Variants in PLCB1 observed in about 807,000 individuals in gnomAD.
The protein encoded by PLCB1 is phospholipase C beta 1.
PLCB1 carries 46 observed loss-of-function variants against 161.8 expected under a neutral mutation model. The observed-to-expected ratio is 0.28, with a 90% CI of 0.22 to 0.36. The LOEUF (loss-of-function observed/expected upper bound fraction) is 0.36, where lower values mean the gene tolerates loss of function less well. PLCB1 is among the 10% of genes least tolerant of loss of function. The probability of loss-of-function intolerance (pLI) is 1.00; values close to 1 mark genes in which losing one functional copy is unlikely to be tolerated. For synonymous variants in PLCB1, 517 were observed against 503.7 expected (o/e 1.03, Z -0.35); for missense variants, 1,016 against 1,472.5 (o/e 0.69, Z 5.07).
chr20:8,672,854 G>C (rs1490213326), intron 9 of PLCB1, among the ~76,000 whole-genome samples: 3 of 152,082 alleles, frequency 2.0e-5, no homozygotes, highest in Non-Finnish European at 4.4e-5. Flanking sequence ...GCTCACATCT[G>C]TAATCCCAGC....
chr20:8,687,876 G>A (rs922515959), intron 10 of PLCB1, among the ~76,000 whole-genome samples: 1 of 152,204 alleles, frequency 6.6e-6, no homozygotes, highest in African/African-American at 2.4e-5. Flanking sequence ...GGATCAAATG[G>A]TAGTTCTACT....
chr20:8,194,773 G>T (rs565277007), intron 2 of PLCB1, among the ~76,000 whole-genome samples: 3 of 152,138 alleles, frequency 2.0e-5, no homozygotes, highest in East Asian at 1.9e-4. Flanking sequence ...CTCTCAAAAA[G>T]ATTTGGTAGT....
At chr20:8,463,049 C>G (rs1256956725) in intron 3 of PLCB1, among the ~76,000 whole-genome samples, 1 of 151,842 alleles carries the variant, frequency 6.6e-6, no homozygotes, top group African/African-American at 2.4e-5. Flanking sequence ...AGAGGCAACT[C>G]AGTATGTTGA....
Position 8,579,793 on chromosome 20 carries a change from T to C in PLCB1, c.247-48501T>C, listed in dbSNP as rs191073603. On this transcript the variant is annotated intron_variant, in intron 3 of 31. Transcript: ENST00000338037. ...CCTTATATTGGGTTCTCTAGGATTA[T>C]GTATGGAGGGAGCATGCCGTGCCAC... Among the ~76,000 whole-genome samples, 27 of 152,222 alleles carry C rather than the reference T, an allele frequency of 1.8e-4. No homozygotes were observed. In the East Asian group the frequency reaches 5.0e-3, roughly 28 times the overall value.
intron 16 of PLCB1, 102 bp from the exon 17 acceptor site, chr20:8,727,207 C>A: frequency 1.7e-6 from 1 of 576,304 alleles, no homozygotes; most frequent in Non-Finnish European, 3.0e-6. Flanking sequence ...TTGCCCTCAA[C>A]TTCACTGAAT....
At chr20:8,639,211 A>T (rs1426773171) in intron 4 of PLCB1, among the ~76,000 whole-genome samples, 19 of 152,162 alleles carry the variant, frequency 1.2e-4, no homozygotes, top group Admixed American at 1.2e-3. Context: ...GTCATGATGG[A>T]GGGGTTATGT....
intron 31 of PLCB1, among the ~76,000 whole-genome samples, chr20:8,839,180 G>C (rs1479797956): frequency 6.6e-6 from 1 of 152,158 alleles, no homozygotes; most frequent in Non-Finnish European, 1.5e-5. Context: ...ACAAAGTTTA[G>C]GGACCTTCTA....
At chr20:8,750,295 A>G (rs1306368096) in intron 23 of PLCB1, among the ~76,000 whole-genome samples, 1 of 152,208 alleles carries the variant, frequency 6.6e-6, no homozygotes, top group Non-Finnish European at 1.5e-5. Flanking sequence ...TTAATGAAGA[A>G]GCTCAAAAAA....
At chr20:8,329,806 G>A (rs1167595334) in intron 2 of PLCB1, among the ~76,000 whole-genome samples, 2 of 152,112 alleles carry the variant, frequency 1.3e-5, no homozygotes, top group East Asian at 3.9e-4. Flanking sequence ...CACTGCCACA[G>A]CATGTTCTGA....
At chr20:8,748,678 G>A (rs547153105) in intron 23 of PLCB1, among the ~76,000 whole-genome samples, 10 of 152,222 alleles carry the variant, frequency 6.6e-5, no homozygotes, top group African/African-American at 2.4e-4. Context: ...GCAGGAAATG[G>A]GGAGGTGTGG....
At chr20:8,832,827 G>C (rs1986080652) in intron 31 of PLCB1, among the ~76,000 whole-genome samples, 1 of 152,158 alleles carries the variant, frequency 6.6e-6, no homozygotes, top group Non-Finnish European at 1.5e-5. Context: ...TGAGTCCTTA[G>C]GGAACCCTGC....
chr20:8,614,142 CAAAT>C (rs1475685199), intron 3 of PLCB1, among the ~76,000 whole-genome samples: 2 of 151,772 alleles, frequency 1.3e-5, no homozygotes, highest in Non-Finnish European at 2.9e-5. Context: ...TTTTAAAACA[CAAAT>C]AAAAACAGTA....
chr20:8,399,255 CT>C (rs1978439775), intron 3 of PLCB1, among the ~76,000 whole-genome samples: 1 of 151,820 alleles, frequency 6.6e-6, no homozygotes, highest in Admixed American at 6.6e-5. Flanking sequence ...ATCCTGGTAT[CT>C]AGGTGTTCCA....
At chr20:8,523,388 CA>C (rs1274178937) in intron 3 of PLCB1, among the ~76,000 whole-genome samples, 2 of 105,590 alleles carry the variant, frequency 1.9e-5, no homozygotes, top group East Asian at 5.7e-4. Flanking sequence ...TGATCCTGAT[CA>C]TAACAAATAT....
chr20:8,603,314 C>CTAT (rs1987653997), intron 3 of PLCB1, among the ~76,000 whole-genome samples: 1 of 152,132 alleles, frequency 6.6e-6, no homozygotes, highest in South Asian at 2.1e-4. Flanking sequence ...AAATCTATGG[C>CTAT]TAAGTTCAAT....
intron 12 of PLCB1, 105 bp downstream of exon 12, chr20:8,708,857 C>T (rs931963066): frequency 1.2e-5 from 8 of 690,652 alleles, no homozygotes; most frequent in Non-Finnish European, 2.0e-5. Context: ...TGGTGTTCTT[C>T]AATCATGTTG....
chr20:8,857,730 G>A (rs1387297826), intron 31 of PLCB1, among the ~76,000 whole-genome samples: 1 of 152,180 alleles, frequency 6.6e-6, no homozygotes, highest in East Asian at 1.9e-4. Flanking sequence ...TGATATTAAC[G>A]TCAGACTTCC....
intron 31 of PLCB1, among the ~76,000 whole-genome samples, chr20:8,861,356 G>C (rs527294951): frequency 2.0e-5 from 3 of 152,332 alleles, no homozygotes; most frequent in Admixed American, 6.5e-5. Context: ...CAAAGGATAA[G>C]TCATTAGTTG....
At chr20:8,250,236 A>G (rs896258491) in intron 2 of PLCB1, among the ~76,000 whole-genome samples, 11 of 151,958 alleles carry the variant, frequency 7.2e-5, no homozygotes, top group Non-Finnish European at 1.6e-4. Context: ...TGCAGGCTTA[A>G]AAGAATGCTT....
Sources: gnomAD v4.1 joint callset for allele counts (sites outside exome capture counted in the v4.1 genomes callset) on GRCh38, gnomAD v4.1.1 for gene constraint, MANE v1.5 for transcripts, NCBI Gene and HGNC (gene_info 2026-07-23, HGNC 2026-07-21) for gene names.